ATF6: variants seen among roughly 807,000 people sequenced by gnomAD.
ATF6 encodes activating transcription factor 6.
A neutral mutation model predicts 83.6 loss-of-function variants in ATF6; 53 were observed. The ratio of observed to expected loss-of-function variants is 0.63; its 90% confidence interval spans 0.51 to 0.80. The LOEUF is 0.80. Among genes scored for constraint, ATF6 ranks in the 30% least tolerant of loss-of-function variants. The pLI is 0.00. For synonymous variants in ATF6, 288 were observed against 285.8 expected, an observed-to-expected ratio of 1.01 and a Z score of -0.08; for missense variants, 744 against 797.9, an observed-to-expected ratio of 0.93 and a Z score of 0.81.
Position 161,842,401 on chromosome 1 carries a change from G to C in ATF6, c.1188-4048G>C, listed in dbSNP as rs1021744442. On this transcript the variant is annotated intron_variant, in intron 9 of 15. Coordinates refer to ENST00000367942, the MANE Select transcript of ATF6 (RefSeq NM_007348.4). ...GGAAAAGAGGTCGTTAAACAAAAAA[G>C]ATATTTGCTCATGCATATTTATAGC... Among the ~76,000 whole-genome samples the C allele has an allele frequency of 3.9e-5, 6 of 152,138 alleles. No individual in the cohort carries two copies. The South Asian group carries it at 8.3e-4, about 21-fold the overall frequency.
In ATF6 at chr1:161,833,658, G is replaced by A. The variant is rs970330350; in HGVS notation, c.1187+12497G>A. Among the ~76,000 whole-genome samples the A allele has an allele frequency of 2.6e-5, 4 of 152,138 alleles. No individual in the cohort carries two copies. In the South Asian group the frequency reaches 8.3e-4, roughly 32 times the overall value. On this transcript the variant is annotated intron_variant, in intron 9 of 15. Coordinates refer to ENST00000367942, the MANE Select transcript of ATF6 (RefSeq NM_007348.4). ...ATCAACTGGAAGAAAGGGTATCAGC[G>A]ATGGAAGACGAAGTGAATGAAATGA...
At chr1:161,812,598 T>C (rs1206361702) in intron 7 of ATF6, among the ~76,000 whole-genome samples, 2 of 151,776 alleles carry the variant, frequency 1.3e-5, no homozygotes, top group African/African-American at 2.4e-5. Context: ...TCACCGTTTT[T>C]AGCCGGGATG....
rs1684901976 is a variant in ATF6 at position 161,792,308 on chromosome 1, A to T, written c.669A>T (p.Leu223Phe). 6.2e-7 allele frequency: 1 copy of T among 1,613,910 alleles called. No individual in the cohort carries two copies. Among genetic ancestry groups the T allele is most frequent in the African/African-American group, 1.3e-5 (1 of 75,062 alleles). ...CAAAGCAGCAACCAATTATCAGTTT[A>T]CAACCTGCACCCACTAAAGGTACCT... ...PLAKQQPIIS[L>F]QPAPTKGQTV... The change falls in exon 6 of 16, where the codon TTA (leucine) becomes TTT (phenylalanine). Residue 223 changes from leucine (L) to phenylalanine (F), a missense_variant. Transcript: ENST00000367942.
At position 161,846,572 on chromosome 1, in the gene ATF6, C is replaced by G. The variant is rs187088858; in HGVS notation, c.1311C>G (p.Asn437Lys). The G allele has an allele frequency of 6.2e-7, 1 of 1,601,598 alleles. No homozygotes were observed. The highest frequency in any genetic ancestry group is 1.1e-5 in the South Asian group (1 of 89,370). The change falls in exon 10 of 16, where the codon AAC becomes AAG. Residue 437 changes from asparagine to lysine, a missense_variant. Transcript: ENST00000367942. Reference sequence around the variant, plus strand: ...CATCAGATGGTATTATCCAGAAAAACAGCTACAGGTAAGATGGCATGCATC... The same window carrying G: ...CATCAGATGGTATTATCCAGAAAAAGAGCTACAGGTAAGATGGCATGCATC... ...QDTSDGIIQK[N>K]SYRYDHSVSN...
chr1:161,902,983 CCTT>C (rs925091014), intron 14 of ATF6, among the ~76,000 whole-genome samples: 13 of 151,984 alleles, frequency 8.6e-5, no homozygotes, highest in African/African-American at 2.4e-4. Context: ...CTGAGGCCGC[CCTT>C]CTTTATCTAC....
intron 14 of ATF6, among the ~76,000 whole-genome samples, chr1:161,904,626 A>C (rs1390212894): frequency 6.7e-6 from 1 of 149,772 alleles, no homozygotes; most frequent in Non-Finnish European, 1.5e-5. Flanking sequence ...AAAAAAACAA[A>C]ACACACACAC....
At chr1:161,819,162 G>A (rs538084243) in intron 7 of ATF6, among the ~76,000 whole-genome samples, 3 of 152,116 alleles carry the variant, frequency 2.0e-5, no homozygotes, top group African/African-American at 7.2e-5. Flanking sequence ...GATAGAAAAT[G>A]GATAGATTTT....
intron 9 of ATF6, 105 bp from the exon 10 acceptor site, chr1:161,846,344 G>A: frequency 7.8e-7 from 1 of 1,277,660 alleles, no homozygotes; most frequent in Non-Finnish European, 1.1e-6. Context: ...TTTGTTACGT[G>A]CATGGATCTG....
chr1:161,861,900 G>A (rs1216402022), intron 13 of ATF6, among the ~76,000 whole-genome samples: 4 of 152,162 alleles, frequency 2.6e-5, no homozygotes, highest in Admixed American at 6.5e-5. Context: ...AAGCCGAAGC[G>A]GGCTGTGATG....
intron 15 of ATF6, among the ~76,000 whole-genome samples, chr1:161,917,840 G>C (rs1238250605): frequency 1.3e-5 from 2 of 152,180 alleles, no homozygotes; most frequent in Non-Finnish European, 2.9e-5. Flanking sequence ...AAAGGTTTTA[G>C]ATTTTGGAGC....
intron 7 of ATF6, among the ~76,000 whole-genome samples, chr1:161,804,024 G>A (rs1183573332): frequency 8.0e-6 from 1 of 125,260 alleles, no homozygotes; most frequent in Non-Finnish European, 1.6e-5. Context: ...CCCAGAGTGT[G>A]ATGTTCCCCT....
intron 4 of ATF6, 109 bp from the exon 5 acceptor site, chr1:161,791,299 T>A: frequency 1.2e-6 from 1 of 863,610 alleles, no homozygotes; most frequent in Non-Finnish European, 1.7e-6. Flanking sequence ...ACCTTTCCTT[T>A]GAAGTTACCC....
intron 3 of ATF6, 38 bp downstream of exon 3, chr1:161,782,037 T>C: frequency 1.4e-6 from 2 of 1,427,444 alleles, no homozygotes; most frequent in Non-Finnish European, 1.9e-6. Flanking sequence ...TTTAAAAAGA[T>C]CAATTTTATT....
At chr1:161,784,357 ATTTG>A (rs1684700053) in intron 4 of ATF6, among the ~76,000 whole-genome samples, 1 of 152,092 alleles carries the variant, frequency 6.6e-6, no homozygotes, top group Non-Finnish European at 1.5e-5. Context: ...AGTATCCAGT[ATTTG>A]TTTATTGGCT....
chr1:161,953,830 A>T (rs1688918091), intron 15 of ATF6, among the ~76,000 whole-genome samples: 1 of 151,930 alleles, frequency 6.6e-6, no homozygotes, highest in Non-Finnish European at 1.5e-5. Flanking sequence ...CTTCAATTTC[A>T]CCCCACCTCA....
intron 14 of ATF6, among the ~76,000 whole-genome samples, chr1:161,910,297 T>C (rs559264426): frequency 2.8e-4 from 42 of 152,242 alleles, no homozygotes; most frequent in Non-Finnish European, 3.7e-4. Flanking sequence ...TTTTTGGGCC[T>C]CTTGGTAAAC....
intron 7 of ATF6, among the ~76,000 whole-genome samples, chr1:161,807,988 T>C (rs1685344834): frequency 6.9e-6 from 1 of 144,046 alleles, no homozygotes; most frequent in Non-Finnish European, 1.5e-5. Flanking sequence ...CAAGCGATTC[T>C]CCTGCCTCAG....
At chr1:161,780,617 C>T (rs1289649121) in intron 2 of ATF6, among the ~76,000 whole-genome samples, 1 of 152,200 alleles carries the variant, frequency 6.6e-6, no homozygotes, top group African/African-American at 2.4e-5. Flanking sequence ...TCGTGATCCA[C>T]CTGCCTCGGC....
intron 9 of ATF6, among the ~76,000 whole-genome samples, chr1:161,821,715 A>G (rs1296979077): frequency 6.6e-6 from 1 of 152,210 alleles, no homozygotes; most frequent in Non-Finnish European, 1.5e-5. Context: ...GCTGTGTACA[A>G]TGAGGCATCC....
Sources: allele counts gnomAD v4.1 joint callset (sites outside exome capture counted in the v4.1 genomes callset), GRCh38; gene constraint gnomAD v4.1.1; transcripts MANE v1.5; gene names NCBI Gene and HGNC (gene_info 2026-07-23, HGNC 2026-07-21).